Variants in HSPA14 observed in about 807,000 individuals in gnomAD.
HSPA14 encodes heat shock 70 kDa protein 14.
HSPA14 carries 37 observed loss-of-function variants against 65.5 expected under a neutral mutation model. That is an observed-to-expected ratio of 0.56 (90% confidence interval 0.43 to 0.74). HSPA14 has a LOEUF of 0.74. HSPA14 is among the 30% of genes least tolerant of loss of function. The pLI is 0.00. For synonymous variants in HSPA14, 203 were observed against 214.2 expected, an observed-to-expected ratio of 0.95 and a Z score of 0.46; for missense variants, 564 against 607.6, an observed-to-expected ratio of 0.93 and a Z score of 0.75.
intron 6 of HSPA14, chr10:14,850,652 T>A (rs1490759837): frequency 6.6e-6 from 1 of 152,264 alleles, no homozygotes; most frequent in Non-Finnish European, 1.5e-5. Flanking sequence ...AAATTGGAAA[T>A]TTTCAAGTGT....
intron 3 of HSPA14, chr10:14,844,917 A>C: frequency 1.0e-6 from 1 of 985,434 alleles, no homozygotes; most frequent in Non-Finnish European, 1.2e-6. Flanking sequence ...AAGCCCTAGA[A>C]ACGTTTCCTT....
Position 14,838,456 on chromosome 10 carries a change from T to G in HSPA14, c.54T>G (p.Tyr18Ter). Reference sequence around the variant, plus strand: ...GCACCTCAGCCTGTGTGGCCGTCTATAAGGTGAGGGGCTGCGGAGCTGGGC... The same window carrying G: ...GCACCTCAGCCTGTGTGGCCGTCTAGAAGGTGAGGGGCTGCGGAGCTGGGC... Reference protein sequence around the residue: ...LGCTSACVAVYKDGRAGVVAN... With the variant: ...LGCTSACVAV Residue 18 changes from tyrosine to a stop codon, truncating the protein, a stop_gained, in exon 1 of 14, where the codon TAT (tyrosine) becomes TAG (stop). Coordinates refer to ENST00000378372, the MANE Select transcript of HSPA14 (RefSeq NM_016299.4). LOFTEE classifies it high-confidence loss of function. 1 of 1,604,526 alleles carries G rather than the reference T, an allele frequency of 6.2e-7. No individual in the cohort carries two copies.
intron 9 of HSPA14, among the ~76,000 whole-genome samples, chr10:14,854,792 C>T (rs1834134136): frequency 6.6e-6 from 1 of 152,162 alleles, no homozygotes; most frequent in Admixed American, 6.6e-5. Context: ...TCTAGATCTG[C>T]ACTGCCCAAT....
intron 10 of HSPA14, among the ~76,000 whole-genome samples, chr10:14,857,017 GT>G (rs1395830066): frequency 6.6e-6 from 1 of 152,086 alleles, no homozygotes; most frequent in African/African-American, 2.4e-5. Flanking sequence ...AGTTTTGTGA[GT>G]TTTTTTAATA....
intron 10 of HSPA14, among the ~76,000 whole-genome samples, chr10:14,856,545 T>G (rs1832698667): frequency 1.3e-5 from 2 of 152,204 alleles, no homozygotes; most frequent in African/African-American, 4.8e-5. Context: ...ATTATTTCTC[T>G]TCATTGAACA....
In HSPA14 at chr10:14,852,487, T is replaced by C. The variant is rs1834115956; in HGVS notation, c.690T>C (p.His230=). 6.2e-7 allele frequency: 1 copy of C among 1,613,992 alleles called. No homozygotes were observed. The change falls in exon 8 of 14, where the codon CAT becomes CAC. Residue 230 remains histidine (H), a synonymous_variant. Transcript: ENST00000378372. ...TNTDDNIGGA[H]FTETLAQYLA... Reference sequence around the variant, plus strand: ...CTGATGATAACATCGGTGGTGCACATTTCACAGAAACCTTAGCACAGTATC... The same window carrying C: ...CTGATGATAACATCGGTGGTGCACACTTCACAGAAACCTTAGCACAGTATC...
intron 3 of HSPA14, chr10:14,845,255 C>T: frequency 2.0e-6 from 2 of 984,890 alleles, no homozygotes; most frequent in Non-Finnish European, 2.4e-6. Flanking sequence ...TTTAGGAATA[C>T]AAATAGGAAT....
At chr10:14,843,911 G>C in intron 3 of HSPA14, 1 of 1,535,698 alleles carries the variant, frequency 6.5e-7, no homozygotes, top group South Asian at 1.2e-5. Flanking sequence ...ATTACAAAAG[G>C]CTCTGCTTCC....
intron 12 of HSPA14, among the ~76,000 whole-genome samples, chr10:14,869,666 C>A (rs141097088): frequency 2.0e-5 from 3 of 152,286 alleles, no homozygotes; most frequent in Non-Finnish European, 2.9e-5. Flanking sequence ...TGGGCTGCAC[C>A]TCAGACTTAC....
Position 14,842,056 on chromosome 10 carries a change from C to T in HSPA14, c.221+1899C>T. The T allele has an allele frequency of 5.7e-6, 6 of 1,053,600 alleles. No individual in the cohort carries two copies. The highest frequency in any genetic ancestry group is 8.4e-6 in the Non-Finnish European group (6 of 717,148). 65.3% of individuals were successfully genotyped at this position (1,053,600 alleles called of 1,614,324 possible). A position where few individuals can be genotyped will look rare whatever the true frequency, so the allele number is the denominator to read the frequency against. The stretch of plus-strand genomic sequence containing the variant: ...CTCATGCCTGTTTATGACCTACTCA[C>T]AGGTAGCACCACTTAACTTGCTGCC... On this transcript the variant is annotated intron_variant, in intron 3 of 13. Coordinates refer to ENST00000378372, the MANE Select transcript of HSPA14 (RefSeq NM_016299.4). The surrounding 1 kb of genome is among the most constrained non-coding windows in gnomAD (Gnocchi z 5.2).
chr10:14,843,314 C>T lies in HSPA14; in HGVS notation c.221+3157C>T, dbSNP rs527626679. 3.2e-6 allele frequency: 5 copies of T among 1,544,274 alleles called. No individual in the cohort carries two copies. In the South Asian group the frequency reaches 6.0e-5, roughly 18 times the overall value. ...ATTTGTCTCAGCTCTGCTGCTGGCT[C>T]CAAGCATTCCCTTAGCAGGAATGTT... On this transcript the variant is annotated intron_variant, in intron 3 of 13. Coordinates refer to ENST00000378372, the MANE Select transcript of HSPA14 (RefSeq NM_016299.4).
intron 6 of HSPA14, chr10:14,850,936 C>A: frequency 4.8e-6 from 1 of 207,884 alleles, no homozygotes; most frequent in Non-Finnish European, 9.5e-6. Flanking sequence ...TTTTTTTAAA[C>A]ATGGATATTT....
At chr10:14,853,488 G>A (rs115142616) in intron 8 of HSPA14, among the ~76,000 whole-genome samples, 1,558 of 152,150 alleles carry the variant, frequency 0.01, 31 homozygotes, top group African/African-American at 0.036. Context: ...TGTCTCACCT[G>A]GAAAAGGGTG....
At chr10:14,856,904 T>C (rs1253504548) in intron 10 of HSPA14, among the ~76,000 whole-genome samples, 2 of 152,166 alleles carry the variant, frequency 1.3e-5, no homozygotes, top group East Asian at 3.9e-4. Context: ...AAAATTTTCA[T>C]TATTGAAGTA....
intron 10 of HSPA14, among the ~76,000 whole-genome samples, chr10:14,865,906 A>G (rs1832802946): frequency 6.6e-6 from 1 of 152,196 alleles, no homozygotes; most frequent in Non-Finnish European, 1.5e-5. Flanking sequence ...TACCCTGGGC[A>G]GTATGGCCAT....
At chr10:14,857,721 G>A (rs1832718404) in intron 10 of HSPA14, among the ~76,000 whole-genome samples, 2 of 152,156 alleles carry the variant, frequency 1.3e-5, no homozygotes, top group African/African-American at 4.8e-5. Context: ...GAGGGTGTTT[G>A]ACTTACTCTT....
At chr10:14,854,404 C>T (rs1469694015) in intron 9 of HSPA14, 124 bp downstream of exon 9, 5 of 740,636 alleles carry the variant, frequency 6.8e-6, no homozygotes, top group African/African-American at 3.6e-5. Context: ...ATAATGTCTT[C>T]ACTTTATTGG....
In HSPA14 at chr10:14,855,959, T is replaced by A. The variant is rs749847445; in HGVS notation, c.993+16T>A. ...TATCAACAAGGTAATGCTTTTACAT[T>A]TTTCTTAACTATTTTAGGTGTAGTT... On this transcript the variant is annotated intron_variant, in intron 10 of 13. Coordinates refer to ENST00000378372, the MANE Select transcript of HSPA14 (RefSeq NM_016299.4). 1 of 1,378,940 alleles carries A rather than the reference T, an allele frequency of 7.3e-7. No homozygotes were observed. Among genetic ancestry groups the A allele is most frequent in the South Asian group, 1.2e-5 (1 of 85,814 alleles). The allele number at this position is 1,378,940 out of a possible 1,614,324, so 85.4% of individuals were successfully genotyped here.
chr10:14,848,534 C>T, intron 3 of HSPA14, 75 bp from the exon 4 acceptor site: 1 of 1,030,438 alleles, frequency 9.7e-7, no homozygotes, highest in East Asian at 2.5e-5. Context: ...TTGTGAAATA[C>T]AGTCTTCTCT....
Sources: allele counts gnomAD v4.1 joint callset (sites outside exome capture counted in the v4.1 genomes callset), GRCh38; gene constraint gnomAD v4.1.1; non-coding constraint Gnocchi (gnomAD v3.1); transcripts MANE v1.5; gene names NCBI Gene and HGNC (gene_info 2026-07-23, HGNC 2026-07-21).